The following RBM20 variants were observed in gnomAD, a reference collection of about 807,000 sequenced individuals.
RBM20 encodes RNA-binding protein 20.
A neutral mutation model predicts 110.1 loss-of-function variants in RBM20; 51 were observed. The ratio of observed to expected loss-of-function variants is 0.46; its 90% CI spans 0.37 to 0.59. The LOEUF (loss-of-function observed/expected upper bound fraction) is 0.59. RBM20 is among the 20% of genes least tolerant of loss of function. The pLI is 0.00. For synonymous variants in RBM20, 589 were observed against 618.2 expected (o/e 0.95, Z 0.70); for missense variants, 1,512 against 1,574.9 (o/e 0.96, Z 0.68).
chr10:110,772,757 G>C (rs1844210195), intron 1 of RBM20, among the ~76,000 whole-genome samples: 1 of 152,230 alleles, frequency 6.6e-6, no homozygotes, highest in Non-Finnish European at 1.5e-5. Context: ...ACTCCCAGGA[G>C]TGGCCAGGTG....
chr10:110,817,529 C>T (rs1037618755), intron 9 of RBM20, among the ~76,000 whole-genome samples: 12 of 152,190 alleles, frequency 7.9e-5, no homozygotes, highest in African/African-American at 2.9e-4. Context: ...TTGTGGAGCA[C>T]CCGGCATTGG....
intron 1 of RBM20, among the ~76,000 whole-genome samples, chr10:110,735,236 A>C (rs944310433): frequency 2.0e-5 from 3 of 152,200 alleles, no homozygotes; most frequent in African/African-American, 7.2e-5. Context: ...AATAAATAGT[A>C]TATATAGAAT....
chr10:110,783,399 G>T lies in RBM20; in HGVS notation c.1309G>T (p.Ala437Ser), dbSNP rs939425427. 2 of 1,551,442 alleles carry T rather than the reference G, an allele frequency of 1.3e-6. No homozygotes were observed. Among genetic ancestry groups the T allele is most frequent in the African/African-American group, 1.4e-5 (1 of 73,148 alleles). ...GCTGCATGTGAAAGGGAAGCTGCAC[G>T]CTCAGAAATGCCTGGTCTTCTCTGA... ...WELHVKGKLH[A>S]QKCLVFSENA... Residue 437 changes from alanine to serine, a missense_variant, in exon 3 of 14, where the codon GCT (alanine) becomes TCT (serine). Coordinates refer to ENST00000369519, the MANE Select transcript of RBM20 (RefSeq NM_001134363.3).
chr10:110,665,232 A>G (rs993659297), intron 1 of RBM20, among the ~76,000 whole-genome samples: 2 of 152,166 alleles, frequency 1.3e-5, no homozygotes, highest in East Asian at 1.9e-4. Flanking sequence ...GAATATTAGC[A>G]TTTTGCAACC....
At chr10:110,736,620 G>C (rs1342591237) in intron 1 of RBM20, among the ~76,000 whole-genome samples, 1 of 151,974 alleles carries the variant, frequency 6.6e-6, no homozygotes, top group Admixed American at 6.5e-5. Context: ...TGGGAATGCA[G>C]AAACATGCCT....
chr10:110,787,428 C>T (rs1474085752), intron 5 of RBM20, among the ~76,000 whole-genome samples: 2 of 152,194 alleles, frequency 1.3e-5, no homozygotes, highest in Admixed American at 1.3e-4. Flanking sequence ...GCTTTTAACC[C>T]ATTTTGGCTG....
Position 110,781,517 on chromosome 10 carries a change from G to A in RBM20, c.908G>A (p.Gly303Asp), listed in dbSNP as rs771714899. The change falls in exon 2 of 14, where the codon GGC (glycine) becomes GAC (aspartate). Residue 303 changes from glycine (G) to aspartate (D), a missense_variant. Gly to Asp is a moderately conservative substitution (Grantham distance 94, BLOSUM62 -1). Around this residue, in one of 3 missense-constraint regions of RBM20, gnomAD observed 1,149 missense variants for 1,169.4 expected, o/e 0.98. Coordinates refer to ENST00000369519, the MANE Select transcript of RBM20 (RefSeq NM_001134363.3). ...ASGFPAEQAG[G>D]LKSEVGPLLQ... is the part of the protein sequence containing the mutation. Reference sequence around the variant, plus strand: ...GGATTTCCAGCTGAGCAGGCTGGGGGCCTGAAAAGTGAGGTCGGGCCACTG... The same window carrying A: ...GGATTTCCAGCTGAGCAGGCTGGGGACCTGAAAAGTGAGGTCGGGCCACTG... 1.9e-6 allele frequency: 3 copies of A among 1,551,532 alleles called. No homozygotes were observed. Among genetic ancestry groups the A allele is most frequent in the Non-Finnish European group, 2.6e-6 (3 of 1,147,002 alleles).
intron 1 of RBM20, among the ~76,000 whole-genome samples, chr10:110,697,984 T>G (rs1355866207): frequency 6.6e-6 from 1 of 151,316 alleles, no homozygotes; most frequent in Non-Finnish European, 1.5e-5. Context: ...GTCGGCTCAC[T>G]GCAAGCTCCA....
chr10:110,662,813 A>G (rs1239596346), intron 1 of RBM20, among the ~76,000 whole-genome samples: 8 of 152,318 alleles, frequency 5.3e-5, no homozygotes, highest in South Asian at 2.1e-4. Context: ...TCCTTCCTCT[A>G]TACTGATGTG....
At chr10:110,812,164 G>C in intron 8 of RBM20, 114 bp from the exon 9 acceptor site, 4 of 942,164 alleles carry the variant, frequency 4.2e-6, no homozygotes, top group Non-Finnish European at 4.7e-6. Flanking sequence ...GGAGTTAAGA[G>C]TGTACACAGT....
chr10:110,658,912 T>C (rs544689002), intron 1 of RBM20, among the ~76,000 whole-genome samples: 54 of 152,162 alleles, frequency 3.5e-4, no homozygotes, highest in Middle Eastern at 3.4e-3. Context: ...GTGACCCTCT[T>C]CCTGTAATTG....
At chr10:110,820,799 G>C (rs12245520) in intron 10 of RBM20, among the ~76,000 whole-genome samples, 2,513 of 152,250 alleles carry the variant, frequency 0.017, 71 homozygotes, top group African/African-American at 0.057. Flanking sequence ...GGCTGCTGCA[G>C]ATGCCAAGGG....
chr10:110,658,492 A>T (rs932593222), intron 1 of RBM20, among the ~76,000 whole-genome samples: 1 of 152,174 alleles, frequency 6.6e-6, no homozygotes, highest in Non-Finnish European at 1.5e-5. Context: ...TCCCGGGCTC[A>T]GAGCCAGGCC....
chr10:110,669,477 C>A (rs1205416417), intron 1 of RBM20, among the ~76,000 whole-genome samples: 1 of 152,214 alleles, frequency 6.6e-6, no homozygotes, highest in Non-Finnish European at 1.5e-5. Context: ...ATTCAAAAAC[C>A]ACTTACGTGA....
At chr10:110,698,455 C>T (rs1862704124) in intron 1 of RBM20, among the ~76,000 whole-genome samples, 1 of 152,202 alleles carries the variant, frequency 6.6e-6, no homozygotes, top group African/African-American at 2.4e-5. Flanking sequence ...CCTGCCTGTC[C>T]TTGAGGGCCC....
intron 1 of RBM20, among the ~76,000 whole-genome samples, chr10:110,667,256 TTA>T (rs1237048980): frequency 1.3e-5 from 2 of 152,232 alleles, no homozygotes; most frequent in Non-Finnish European, 2.9e-5. Context: ...GGGCCGGAGC[TTA>T]TGTGTTTGGA....
chr10:110,835,320 C>CT (rs1285266204), intron 13 of RBM20: 2 of 126,008 alleles, frequency 1.6e-5, no homozygotes, highest in Admixed American at 9.7e-5. Context: ...CTTTTCTTTT[C>CT]TTTTTTTCTT....
chr10:110,654,070 A>AT (rs1228315715), intron 1 of RBM20, among the ~76,000 whole-genome samples: 1 of 152,090 alleles, frequency 6.6e-6, no homozygotes, highest in Non-Finnish European at 1.5e-5. Flanking sequence ...GTAGACAGAC[A>AT]TTTTTCTGTT....
chr10:110,821,389 C>T lies in RBM20; in HGVS notation c.2770C>T (p.Pro924Ser). The change falls in exon 11 of 14, where the codon CCA (proline) becomes TCA (serine). Residue 924 changes from proline (P) to serine (S), a missense_variant. Coordinates refer to ENST00000369519, the MANE Select transcript of RBM20 (RefSeq NM_001134363.3). ...GGAAGAAGAAGATTTTATCGTGGAA[C>T]CAGACATCCCAGAGCTGGAAGAAAT... ...VGEEEDFIVE[P>S]DIPELEEIVP... 6.4e-7 allele frequency: 1 copy of T among 1,551,714 alleles called. No individual in the cohort carries two copies. Among genetic ancestry groups the T allele is most frequent in the South Asian group, 1.2e-5 (1 of 84,060 alleles).
Sources: allele counts gnomAD v4.1 joint callset (sites outside exome capture counted in the v4.1 genomes callset), GRCh38; gene constraint gnomAD v4.1.1; regional missense constraint gnomAD v4.1.1; transcripts MANE v1.5; gene names NCBI Gene and HGNC (gene_info 2026-07-23, HGNC 2026-07-21).